The following PLA2G4E variants were observed in gnomAD, a reference collection of about 807,000 sequenced individuals.
PLA2G4E encodes the protein phospholipase A2 group IVE.
A neutral mutation model predicts 109.1 loss-of-function variants in PLA2G4E; 84 were observed. The ratio of observed to expected loss-of-function variants is 0.77; its 90% CI spans 0.65 to 0.92. The LOEUF is 0.92. PLA2G4E is among the 40% of genes least tolerant of loss of function. The pLI, the probability that PLA2G4E is intolerant of heterozygous loss-of-function variation, is 0.00. For synonymous variants in PLA2G4E, 469 were observed against 436.1 expected, an observed-to-expected ratio of 1.08 and a Z score of -0.94; for missense variants, 1,057 against 1,076.6, an observed-to-expected ratio of 0.98 and a Z score of 0.25.
intron 3 of PLA2G4E, among the ~76,000 whole-genome samples, chr15:42,006,864 G>C (rs1171731325): frequency 6.6e-6 from 1 of 152,072 alleles, no homozygotes; most frequent in Non-Finnish European, 1.5e-5. Flanking sequence ...GTAATTACTA[G>C]AAACACAGGT....
exon 20 of PLA2G4E, chr15:41,982,216 C>G (rs1322321804): frequency 6.6e-6 from 1 of 152,234 alleles, no homozygotes; most frequent in East Asian, 1.9e-4. Flanking sequence ...TGCTGGGTTT[C>G]CTGCAGACCT....
chr15:42,036,721 C>G (rs1467950655), intron 1 of PLA2G4E, among the ~76,000 whole-genome samples: 1 of 152,160 alleles, frequency 6.6e-6, no homozygotes, highest in Non-Finnish European at 1.5e-5. Context: ...ACCTGGAGCC[C>G]CTGCCCCAGG....
chr15:42,004,364 G>C (rs1420821347), intron 5 of PLA2G4E, among the ~76,000 whole-genome samples: 3 of 147,294 alleles, frequency 2.0e-5, no homozygotes, highest in Non-Finnish European at 3.0e-5. Flanking sequence ...GGGAGAGAGG[G>C]AGAAAGGGAG....
chr15:42,004,306 GAAAGGAAAGA>G (rs1260377259), intron 5 of PLA2G4E, among the ~76,000 whole-genome samples: 2 of 142,298 alleles, frequency 1.4e-5, no homozygotes, highest in Admixed American at 7.3e-5. Context: ...AAGAAAGAAA[GAAAGGAAAGA>G]AAAGGAAAGA....
intron 5 of PLA2G4E, 117 bp from the exon 6 acceptor site, chr15:42,002,813 CAT>C (rs2068435948): frequency 9.9e-7 from 1 of 1,009,894 alleles, no homozygotes; most frequent in Non-Finnish European, 1.5e-6. Context: ...TCTTTGTTCT[CAT>C]AAAAAATACT....
At chr15:41,992,589 A>T in intron 13 of PLA2G4E, 148 bp downstream of exon 13, 1 of 753,948 alleles carries the variant, frequency 1.3e-6, no homozygotes, top group Middle Eastern at 3.9e-4. Flanking sequence ...ATAGAGTCCG[A>T]CACCTTATCG....
At chr15:42,025,623 CG>C (rs1403270758) in intron 1 of PLA2G4E, among the ~76,000 whole-genome samples, 1 of 152,144 alleles carries the variant, frequency 6.6e-6, no homozygotes, top group Non-Finnish European at 1.5e-5. Flanking sequence ...TTCCAAGAGA[CG>C]TTCCCCCTAC....
intron 11 of PLA2G4E, among the ~76,000 whole-genome samples, chr15:41,996,846 TC>T (rs1303480412): frequency 6.6e-6 from 1 of 152,174 alleles, no homozygotes; most frequent in Non-Finnish European, 1.5e-5. Context: ...GGGCATTTTA[TC>T]CCTGAGTAAG....
Position 41,990,466 on chromosome 15 carries a change from G to A in PLA2G4E, c.1471-231C>T, listed in dbSNP as rs74990132. On this transcript the variant is annotated intron_variant, in intron 13 of 19. Coordinates refer to ENST00000399518, the Ensembl canonical transcript of PLA2G4E. ...CCAGACAGGGGCCGGGACTGGATCC[G>A]CAGTTTAGGACAGTCTCTCAGAGTC... Among the ~76,000 whole-genome samples the A allele has an allele frequency of 5.7e-3, 875 of 152,200 alleles. 11 individuals carry two copies. The highest frequency in any genetic ancestry group is 0.02 in the African/African-American group (834 of 41,516).
chr15:42,046,463 T>C (rs1889417898), intron 1 of PLA2G4E, among the ~76,000 whole-genome samples: 1 of 152,236 alleles, frequency 6.6e-6, no homozygotes, highest in Non-Finnish European at 1.5e-5. Context: ...GCCTTTGCAC[T>C]TAGAATGTGC....
rs191061819 is a variant in PLA2G4E, at chr15:41,999,991, G to A, written c.862C>T (p.Arg288Cys). Reference sequence around the variant, plus strand: ...CTGATGGGGCCCTTCTTGCGAGAGCGGCAGCAAAGCTGGAGGGATGGGTGG... The same window carrying A: ...CTGATGGGGCCCTTCTTGCGAGAGCAGCAGCAAAGCTGGAGGGATGGGTGG... The change falls in exon 9 of 20, where the codon CGC (arginine) becomes TGC (cysteine). Residue 288 changes from arginine (R) to cysteine (C), a missense_variant. Arg to Cys is a radical substitution (Grantham distance 180, BLOSUM62 -3). Coordinates refer to ENST00000399518, the Ensembl canonical transcript of PLA2G4E. 3.8e-5 allele frequency: 61 copies of A among 1,608,156 alleles called. No individual in the cohort carries two copies. The highest frequency in any genetic ancestry group is 2.9e-4 in the Admixed American group (17 of 59,204).
intron 1 of PLA2G4E, among the ~76,000 whole-genome samples, chr15:42,020,573 AG>A (rs2068638665): frequency 6.6e-6 from 1 of 152,212 alleles, no homozygotes; most frequent in Non-Finnish European, 1.5e-5. Flanking sequence ...GGATGTTTGC[AG>A]GGTTAAATCC....
At chr15:41,999,108 T>C (rs1235200465) in intron 10 of PLA2G4E, 1 of 152,508 alleles carries the variant, frequency 6.6e-6, no homozygotes, top group Non-Finnish European at 1.5e-5. Context: ...GATTAGGCAA[T>C]GATTTCTGGT....
Position 42,010,145 on chromosome 15 carries a change from G to GCCA in PLA2G4E, c.257-2281_257-2280insTGG, listed in dbSNP as rs2068521302. ...TCCAGAACACTGGCCCCCCCACCCC[G>GCCA]GGCCTGGACCACACCCTTCAGGTCT... On this transcript the variant is annotated intron_variant, in intron 2 of 19. Coordinates refer to ENST00000399518, the Ensembl canonical transcript of PLA2G4E. The GCCA allele has an allele frequency of 1.2e-5, 4 of 321,792 alleles. No individual in the cohort carries two copies. The African/African-American group carries it at 1.5e-4, about 12-fold the overall frequency. The allele number at this position is 321,792 out of a possible 1,614,324, so 19.9% of individuals were successfully genotyped here.
At position 42,011,085 on chromosome 15, in the gene PLA2G4E, T is replaced by C. The variant is rs74560388; in HGVS notation, c.256+2600A>G. Among the ~76,000 whole-genome samples, 207 of 152,138 alleles carry C rather than the reference T, an allele frequency of 1.4e-3. 3 individuals carry two copies. In the East Asian group the frequency reaches 0.038, roughly 28 times the overall value. On this transcript the variant is annotated intron_variant, in intron 2 of 19. Transcript: ENST00000399518. The stretch of plus-strand genomic sequence containing the variant: ...GAATCCAGACCAGACATGACTGGGG[T>C]TGGCACCCCGAGATGCCACATGTGC...
exon 15 of PLA2G4E, chr15:41,989,523 C>G (rs528505122): frequency 6.2e-7 from 1 of 1,613,788 alleles, no homozygotes; most frequent in South Asian, 1.1e-5. Context: ...TTCTGCAGGC[C>G]CACCTCGTAG....
rs1164686222 is a variant in PLA2G4E, at chr15:42,005,979, C to T, written c.525+11G>A. The T allele has an allele frequency of 1.2e-6, 2 of 1,613,336 alleles. No homozygotes were observed. Among genetic ancestry groups the T allele is most frequent in the East Asian group, 2.2e-5 (1 of 44,888 alleles). On this transcript the variant is annotated intron_variant, in intron 4 of 19. Transcript: ENST00000399518. ...GAAGCCGGAGTCTGAGGGCCTGTAC[C>T]CTGCACCCACCTGCGGGTTGAGTGG...
intron 2 of PLA2G4E, among the ~76,000 whole-genome samples, chr15:42,011,953 C>T (rs2068540262): frequency 6.6e-6 from 1 of 152,250 alleles, no homozygotes; most frequent in Admixed American, 6.5e-5. Flanking sequence ...AATCATTCAC[C>T]GATAGGCTGG....
intron 1 of PLA2G4E, among the ~76,000 whole-genome samples, chr15:42,034,540 C>T (rs1395658830): frequency 6.6e-6 from 1 of 152,196 alleles, no homozygotes; most frequent in Non-Finnish European, 1.5e-5. Context: ...GAATCATCCT[C>T]CTTTCTCAAA....
Sources: allele counts gnomAD v4.1 joint callset (sites outside exome capture counted in the v4.1 genomes callset), GRCh38; gene constraint gnomAD v4.1.1; transcripts MANE v1.5; gene names NCBI Gene and HGNC (gene_info 2026-07-23, HGNC 2026-07-21).